Variants in CNOT1 observed in about 807,000 individuals in gnomAD.
CNOT1 encodes CCR4-NOT transcription complex subunit 1.
In CNOT1, 15 loss-of-function variants were observed where a neutral mutation model predicts 273.8. The observed-to-expected ratio is 0.05, with a 90% CI of 0.04 to 0.08. The LOEUF is 0.08. CNOT1 is among the 10% of genes least tolerant of loss of function. The probability of loss-of-function intolerance (pLI) is 1.00; values close to 1 mark genes in which losing one functional copy is unlikely to be tolerated. For synonymous variants in CNOT1, 1,022 were observed against 1,005.5 expected, an observed-to-expected ratio of 1.02 and a Z score of -0.31; for missense variants, 1,644 against 2,912.2, an observed-to-expected ratio of 0.56 and a Z score of 10.02.
At chr16:58,607,758 G>T (rs1430634596) in intron 1 of CNOT1, among the ~76,000 whole-genome samples, 5 of 135,174 alleles carry the variant, frequency 3.7e-5, no homozygotes, top group Non-Finnish European at 6.3e-5. Context: ...AAAGAAAAGG[G>T]CTATCTAAAT....
chr16:58,542,657 A>C, intron 31 of CNOT1, 89 bp from the exon 32 acceptor site: 1 of 1,524,114 alleles, frequency 6.6e-7, no homozygotes, highest in Non-Finnish European at 8.8e-7. Flanking sequence ...TAGAAAATGC[A>C]GTGCATTTGG....
intron 1 of CNOT1, among the ~76,000 whole-genome samples, chr16:58,616,346 TCCAC>T (rs1280157264): frequency 0.13 from 13,615 of 105,830 alleles, 1,754 homozygotes; most frequent in Non-Finnish European, 0.19. Flanking sequence ...CCTCAGGTGA[TCCAC>T]CTGCCTCGGC....
In CNOT1 at chr16:58,543,915, G is replaced by C. The variant is rs1169250683; in HGVS notation, c.4138-12C>G. ...TGAAACAAGGGAATCTGGGGGGTTG[G>C]GGAGGACAAAGTCAACACCTTGTTT... On this transcript the variant is annotated splice_polypyrimidine_tract_variant and intron_variant, in intron 30 of 48. Coordinates refer to ENST00000317147, the MANE Select transcript of CNOT1 (RefSeq NM_016284.5). 1 of 1,587,480 alleles carries C rather than the reference G, an allele frequency of 6.3e-7. No individual in the cohort carries two copies. The highest frequency in any genetic ancestry group is 1.3e-5 in the African/African-American group (1 of 74,150).
intron 25 of CNOT1, among the ~76,000 whole-genome samples, chr16:58,549,344 T>G (rs1489066526): frequency 7.3e-6 from 1 of 137,438 alleles, no homozygotes; most frequent in East Asian, 2.0e-4. Context: ...ATCATTATCA[T>G]GAATAATATC....
chr16:58,575,754 C>T (rs1405033708), intron 14 of CNOT1, among the ~76,000 whole-genome samples: 2 of 151,902 alleles, frequency 1.3e-5, no homozygotes, highest in Admixed American at 6.6e-5. Flanking sequence ...AGCCAAGAGG[C>T]GCCACTACAC....
intron 16 of CNOT1, 69 bp downstream of exon 16, chr16:58,574,540 T>C (rs1343572030): frequency 1.4e-6 from 2 of 1,446,224 alleles, no homozygotes; most frequent in East Asian, 2.3e-5. Flanking sequence ...GAACCTCTTC[T>C]TCCGCAAGTC....
rs55998166 is a variant in CNOT1, at chr16:58,539,466, TACAC to T, written c.4992+298_4992+301del. 8.2e-5 allele frequency among the ~76,000 whole-genome samples: 12 copies of T among 145,576 alleles called. No individual in the cohort carries two copies. In the East Asian group the frequency reaches 8.6e-4, roughly 10 times the overall value. On this transcript the variant is annotated intron_variant, in intron 35 of 48. Transcript: ENST00000317147. Reference sequence around the variant, plus strand: ...CCTGACAGAGAGAGACCCTGTCTCTTACACACACACACACACACACACACACAGA... The same window carrying T: ...CCTGACAGAGAGAGACCCTGTCTCTTACACACACACACACACACACACAGA...
intron 6 of CNOT1, 86 bp from the exon 7 acceptor site, chr16:58,586,834 C>A: frequency 7.1e-7 from 1 of 1,402,314 alleles, no homozygotes; most frequent in Non-Finnish European, 9.8e-7. Flanking sequence ...TGCAGATAAT[C>A]ACCCTTCTCA....
intron 28 of CNOT1, 75 bp from the exon 29 acceptor site, chr16:58,546,573 G>C: frequency 6.2e-7 from 1 of 1,604,374 alleles, no homozygotes; most frequent in Non-Finnish European, 8.5e-7. Flanking sequence ...TCTACTTTCA[G>C]TTATTATAGT....
intron 44 of CNOT1, 133 bp downstream of exon 44, chr16:58,528,342 T>C (rs765902789): frequency 2.8e-6 from 2 of 711,250 alleles, no homozygotes; most frequent in African/African-American, 1.8e-5. Context: ...AATAACATTA[T>C]TTCCTTTAAA....
At chr16:58,608,080 G>A (rs1177761006) in intron 1 of CNOT1, among the ~76,000 whole-genome samples, 1 of 151,876 alleles carries the variant, frequency 6.6e-6, no homozygotes, top group Non-Finnish European at 1.5e-5. Flanking sequence ...GGAGGATAAG[G>A]CATGAGAATC....
Position 58,532,098 on chromosome 16 carries a change from C to G in CNOT1, c.6060-23G>C, listed in dbSNP as rs368862380. The stretch of plus-strand genomic sequence containing the variant: ...TTGCTGAAAGAAGAAAAACCTTAGT[C>G]AGAAGCACAGTCCAACTTAAATACA... On this transcript the variant is annotated intron_variant, in intron 41 of 48. Coordinates refer to ENST00000317147, the MANE Select transcript of CNOT1 (RefSeq NM_016284.5). The G allele has an allele frequency of 5.6e-5, 91 of 1,613,662 alleles. 1 individual carries two copies. The East Asian group carries it at 1.2e-3, about 22-fold the overall frequency.
chr16:58,573,823 C>T (rs532071537), intron 16 of CNOT1, among the ~76,000 whole-genome samples: 4 of 151,868 alleles, frequency 2.6e-5, no homozygotes, highest in Admixed American at 6.6e-5. Context: ...TTCAAGGAAC[C>T]GAGAAGAGCT....
chr16:58,556,555 G>A (rs1438103132), intron 19 of CNOT1, among the ~76,000 whole-genome samples: 4 of 149,526 alleles, frequency 2.7e-5, no homozygotes, highest in Admixed American at 2.6e-4. Context: ...CTCAACACAT[G>A]TTTAGGTTAA....
intron 16 of CNOT1, among the ~76,000 whole-genome samples, chr16:58,572,950 T>A (rs560863149): frequency 2.0e-5 from 3 of 146,840 alleles, no homozygotes; most frequent in African/African-American, 7.5e-5. Context: ...ATAAATAAAA[T>A]AATTAATAAA....
At chr16:58,588,471 C>T (rs2041948672) in intron 3 of CNOT1, among the ~76,000 whole-genome samples, 1 of 152,036 alleles carries the variant, frequency 6.6e-6, no homozygotes, top group African/African-American at 2.4e-5. Context: ...AAACTCTTGC[C>T]AGATGGGGAA....
Position 58,547,324 on chromosome 16 carries a change from C to T in CNOT1, c.3640-28G>A, listed in dbSNP as rs62067277. On this transcript the variant is annotated intron_variant, in intron 26 of 48. Transcript: ENST00000317147. The surrounding 1 kb of genome is among the most constrained non-coding windows in gnomAD (Gnocchi z 4.0). Reference sequence around the variant, plus strand: ...AGAATAAGAAAAATACTTTCAAAAGCGGGGAATATACCCCCCAAAATGGTA... The same window carrying T: ...AGAATAAGAAAAATACTTTCAAAAGTGGGGAATATACCCCCCAAAATGGTA... The T allele has an allele frequency of 0.053, 84,894 of 1,610,668 alleles. 5,358 individuals carry two copies. Among genetic ancestry groups the T allele is most frequent in the East Asian group, 0.25 (11,240 of 44,816 alleles).
In CNOT1 at chr16:58,551,804, G is replaced by C; in HGVS notation, c.2986C>G (p.Gln996Glu). ...TTCACAGGAGGATCTCTAGACTGCT[G>C]TCCATACTCAATATACTAAAAGGGT... is the stretch of plus-strand genomic sequence containing the variant. ...HHLQEYIEYG[Q>E]QSRDPPVKMQ... Residue 996 changes from glutamine to glutamate, a missense_variant, in exon 23 of 49, where the codon CAG (glutamine) becomes GAG (glutamate). By Grantham distance (29) the Gln-to-Glu change is conservative. This residue lies in a region of CNOT1 where 77 missense variants were observed against 90.5 expected (regional missense o/e 0.85). Transcript: ENST00000317147. 1.2e-6 allele frequency: 2 copies of C among 1,614,136 alleles called. No homozygotes were observed. The highest frequency in any genetic ancestry group is 1.7e-6 in the Non-Finnish European group (2 of 1,180,018).
chr16:58,622,332 G>GT (rs1567451332), intron 1 of CNOT1, among the ~76,000 whole-genome samples: 3 of 19,612 alleles, frequency 1.5e-4, no homozygotes, highest in African/African-American at 3.9e-4. Context: ...TACCACTCTA[G>GT]TGGGGGGGGG....
Sources: gnomAD v4.1 joint callset for allele counts (sites outside exome capture counted in the v4.1 genomes callset) on GRCh38, gnomAD v4.1.1 for gene constraint, gnomAD v4.1.1 regional missense constraint, Gnocchi (gnomAD v3.1) non-coding constraint, MANE v1.5 for transcripts, NCBI Gene and HGNC (gene_info 2026-07-23, HGNC 2026-07-21) for gene names.